NAV2: variants seen among roughly 807,000 people sequenced by gnomAD.
The protein encoded by NAV2 is neuron navigator 2.
In NAV2, 54 loss-of-function variants were observed where a neutral mutation model predicts 223.2. That is an observed-to-expected ratio of 0.24 (90% CI 0.19 to 0.30). The LOEUF is 0.30. NAV2 is among the 10% of genes least tolerant of loss of function. The pLI is 1.00. For synonymous variants in NAV2, 1,279 were observed against 1,239.3 expected, an observed-to-expected ratio of 1.03 and a Z score of -0.67; for missense variants, 2,806 against 3,147.5, an observed-to-expected ratio of 0.89 and a Z score of 2.60.
chr11:19,902,645 A>C (rs1278833805), intron 6 of NAV2, among the ~76,000 whole-genome samples: 1 of 152,214 alleles, frequency 6.6e-6, no homozygotes, highest in Non-Finnish European at 1.5e-5. Context: ...GTTACGTGGA[A>C]ACTATCACAC....
chr11:20,003,769 G>C (rs2052784898), intron 11 of NAV2, among the ~76,000 whole-genome samples: 1 of 152,186 alleles, frequency 6.6e-6, no homozygotes, highest in African/African-American at 2.4e-5. Flanking sequence ...GCATGAAGCA[G>C]ACCCTCACCA....
At chr11:19,687,163 A>G (rs1240928462) in intron 1 of NAV2, among the ~76,000 whole-genome samples, 1 of 152,230 alleles carries the variant, frequency 6.6e-6, no homozygotes, top group Non-Finnish European at 1.5e-5. Context: ...TATGTTCTCA[A>G]TACAGCATTC....
intron 19 of NAV2, 28 bp downstream of exon 19, chr11:20,055,985 A>G (rs1406132516): frequency 6.3e-7 from 1 of 1,597,842 alleles, no homozygotes; most frequent in South Asian, 1.1e-5. Context: ...GAAGGTAAGG[A>G]AGGAAACTTC....
At chr11:19,476,482 CA>C (rs1453817494) in intron 1 of NAV2, among the ~76,000 whole-genome samples, 2 of 151,986 alleles carry the variant, frequency 1.3e-5, no homozygotes, top group Non-Finnish European at 2.9e-5. Flanking sequence ...AGTTTTTTAC[CA>C]ACTGATCTGA....
In NAV2 at chr11:19,633,679, G is replaced by A. The variant is rs565564216; in HGVS notation, c.76-198805G>A. ...ACTGCTGCCAGGGGAAGCATTTTGA[G>A]TGTTTGCTCAGGCTGGGACTGATGC... On this transcript the variant is annotated intron_variant, in intron 1 of 37. Transcript: ENST00000360655. Among the ~76,000 whole-genome samples the A allele has an allele frequency of 2.0e-5, 3 of 152,374 alleles. No homozygotes were observed. The South Asian group carries it at 6.2e-4, about 32-fold the overall frequency.
rs201476155 is a variant in NAV2, at chr11:19,377,536, G to C, written c.75+26509G>C. On this transcript the variant is annotated intron_variant, in intron 1 of 37. Coordinates refer to the NAV2 transcript ENST00000360655. ...CTCTCCACTTGGCCATAGGCTCCTT[G>C]GGGGAGAGACTGCAATTCTTATTTC... is the stretch of plus-strand genomic sequence containing the variant. 2.9e-4 allele frequency among the ~76,000 whole-genome samples: 44 copies of C among 152,280 alleles called. No homozygotes were observed. The East Asian group carries it at 6.0e-3, about 21-fold the overall frequency.
intron 22 of NAV2, among the ~76,000 whole-genome samples, chr11:20,072,201 T>TC (rs1407349220): frequency 6.6e-6 from 1 of 152,222 alleles, no homozygotes; most frequent in Non-Finnish European, 1.5e-5. Context: ...GGGAATCCTT[T>TC]CCCCATTGCT....
At chr11:19,351,104 A>G in intron 1 of NAV2, 2 of 1,352,298 alleles carry the variant, frequency 1.5e-6, no homozygotes, top group Non-Finnish European at 2.1e-6. Context: ...ATAGGTGGTC[A>G]TCATCGAGCA....
intron 1 of NAV2, among the ~76,000 whole-genome samples, chr11:19,770,902 G>A (rs1337570944): frequency 6.6e-6 from 1 of 152,160 alleles, no homozygotes; most frequent in Non-Finnish European, 1.5e-5. Context: ...AGGGCATCAT[G>A]AATTTCTGAT....
intron 1 of NAV2, among the ~76,000 whole-genome samples, chr11:19,777,065 TA>T (rs1468158210): frequency 6.7e-6 from 1 of 150,102 alleles, no homozygotes; most frequent in African/African-American, 2.5e-5. Flanking sequence ...GCGGGCCAGC[TA>T]GGGGGCGGGG....
At chr11:19,369,032 A>G (rs527779944) in intron 1 of NAV2, among the ~76,000 whole-genome samples, 77 of 152,346 alleles carry the variant, frequency 5.1e-4, no homozygotes, top group African/African-American at 1.8e-3. Context: ...ACTCTAGCTG[A>G]GAAAGTGTGC....
chr11:19,385,774 T>G (rs1248827404), intron 1 of NAV2, among the ~76,000 whole-genome samples: 2 of 74,736 alleles, frequency 2.7e-5, no homozygotes, highest in Non-Finnish European at 5.9e-5. Context: ...TTTTTTTTTT[T>G]TTTTTGAGAC....
chr11:19,430,818 C>A (rs779832918), intron 1 of NAV2, among the ~76,000 whole-genome samples: 1 of 152,244 alleles, frequency 6.6e-6, no homozygotes, highest in Non-Finnish European at 1.5e-5. Context: ...TGGAAAGGTC[C>A]GCTCCTCAGA....
Position 20,045,125 on chromosome 11 carries a change from C to G in NAV2, c.3357C>G (p.Ser1119Arg). The G allele has an allele frequency of 6.2e-7, 1 of 1,614,176 alleles. No homozygotes were observed. Among genetic ancestry groups the G allele is most frequent in the Non-Finnish European group, 8.5e-7 (1 of 1,180,028 alleles). ...SSRTPTANANSFGFKKQSGSA... is the reference protein window; with the variant it reads ...SSRTPTANANRFGFKKQSGSA... ...GGACACCTACTGCCAATGCCAACAG[C>G]TTTGGGTTCAAGAAGCAGAGTGGTT... is the stretch of plus-strand genomic sequence containing the variant. The change falls in exon 14 of 38, where the codon AGC (serine) becomes AGG (arginine). Residue 1119 changes from serine to arginine, a missense_variant. Around this residue, in one of 4 missense-constraint regions of NAV2, gnomAD observed 742 missense variants for 777.9 expected, o/e 0.95. Transcript: ENST00000349880.
chr11:19,706,049 A>G (rs2049652953), intron 1 of NAV2, among the ~76,000 whole-genome samples: 1 of 152,220 alleles, frequency 6.6e-6, no homozygotes, highest in Non-Finnish European at 1.5e-5. Flanking sequence ...TCGAAATCTC[A>G]GACTTGGCAC....
Position 19,685,936 on chromosome 11 carries a change from A to G in NAV2, c.76-146548A>G, listed in dbSNP as rs534330310. Among the ~76,000 whole-genome samples the G allele has an allele frequency of 4.6e-5, 7 of 152,182 alleles. No individual in the cohort carries two copies. The East Asian group carries it at 1.4e-3, about 29-fold the overall frequency. On this transcript the variant is annotated intron_variant, in intron 1 of 37. Coordinates refer to the NAV2 transcript ENST00000360655. ...TCTAAAAGGCAAATCTCATCATGTG[A>G]CTTTCCAACTTAAAACTCTCCAGAG...
At chr11:19,624,831 A>T (rs927529705) in intron 1 of NAV2, among the ~76,000 whole-genome samples, 1 of 152,234 alleles carries the variant, frequency 6.6e-6, no homozygotes, top group African/African-American at 2.4e-5. Flanking sequence ...AGAAATCACC[A>T]GTCTTCTGCA....
intron 1 of NAV2, among the ~76,000 whole-genome samples, chr11:19,603,772 G>A (rs1321013745): frequency 2.6e-5 from 4 of 152,028 alleles, no homozygotes; most frequent in Admixed American, 1.3e-4. Context: ...AACATTAACT[G>A]GTAATAAGAA....
At chr11:19,978,018 T>C (rs2049946303) in intron 10 of NAV2, among the ~76,000 whole-genome samples, 1 of 150,218 alleles carries the variant, frequency 6.7e-6, no homozygotes, top group African/African-American at 2.5e-5. Context: ...AGAAACGGGG[T>C]TTCACTATGT....
Sources: gnomAD v4.1 joint callset for allele counts (sites outside exome capture counted in the v4.1 genomes callset) on GRCh38, gnomAD v4.1.1 for gene constraint, gnomAD v4.1.1 regional missense constraint, MANE v1.5 for transcripts, NCBI Gene and HGNC (gene_info 2026-07-23, HGNC 2026-07-21) for gene names.